The following OR6K6 variants were observed in gnomAD, a reference collection of about 807,000 sequenced individuals.
The protein encoded by OR6K6 is olfactory receptor 6K6.
A neutral mutation model predicts 8.1 loss-of-function variants in OR6K6; 9 were observed. That is an observed-to-expected ratio of 1.11 (90% CI 0.67 to 1.94). OR6K6 has a LOEUF of 1.94. Ranked by LOEUF, OR6K6 falls within the 30% of genes most tolerant of loss-of-function variation. The pLI is 0.00. For missense variants in OR6K6, 400 were observed against 383.1 expected (o/e 1.04, Z -0.37); for synonymous variants, 156 against 140.3 (o/e 1.11, Z -0.79).
chr1:158,755,071 C>G, exon 1 of OR6K6: 1 of 1,614,120 alleles, frequency 6.2e-7, no homozygotes, highest in Non-Finnish European at 8.5e-7. Context: ...CCTGCACACC[C>G]CTTTGTATTT....
exon 1 of OR6K6, chr1:158,755,769 C>G (rs779648282): frequency 1.2e-6 from 2 of 1,613,946 alleles, no homozygotes; most frequent in South Asian, 2.2e-5. Flanking sequence ...TCATCTATAG[C>G]CTGAAAAACA....
exon 1 of OR6K6, chr1:158,755,092 G>A (rs2101999966): frequency 6.2e-7 from 1 of 1,614,100 alleles, no homozygotes; most frequent in Non-Finnish European, 8.5e-7. Context: ...CTTTATCAGT[G>A]TCCTCTCCTT....
In OR6K6 at chr1:158,754,974, C is replaced by CT. The variant is rs1656952777; in HGVS notation, c.89dup (p.Leu30PhefsTer63). 1 of 1,614,044 alleles carries CT rather than the reference C, an allele frequency of 6.2e-7. No individual in the cohort carries two copies. Among genetic ancestry groups the CT allele is most frequent in the African/African-American group, 1.3e-5 (1 of 74,906 alleles). ...TCCCGCATGCGCACAGAGGTGGCCT[C>CT]TTATTCTTTATTCCCTTGCTTCTCA... On this transcript the variant is annotated frameshift_variant, in exon 1 of 1. Coordinates refer to ENST00000641861, the Ensembl canonical transcript of OR6K6. LOFTEE classifies it high-confidence loss of function.
At chr1:158,755,599 C>T in exon 1 of OR6K6, 2 of 1,614,188 alleles carry the variant, frequency 1.2e-6, no homozygotes, top group Non-Finnish European at 8.5e-7. Context: ...TGAAGGTCAT[C>T]ACAAGGCCTT....
chr1:158,755,851 C>G (rs757562437), exon 1 of OR6K6: 40 of 1,586,548 alleles, frequency 2.5e-5, no homozygotes, highest in Non-Finnish European at 1.7e-6. Context: ...GAAATAGATA[C>G]AGATCCTGGA....
exon 1 of OR6K6, chr1:158,755,106 G>A (rs1295610422): frequency 1.2e-6 from 2 of 1,613,984 alleles, no homozygotes; most frequent in Admixed American, 1.7e-5. Flanking sequence ...TCTCCTTCCT[G>A]GAGATCTGCT....
chr1:158,755,096 T>C (rs1320103960), exon 1 of OR6K6: 13 of 1,614,038 alleles, frequency 8.1e-6, no homozygotes, highest in Non-Finnish European at 1.1e-5. Flanking sequence ...ATCAGTGTCC[T>C]CTCCTTCCTG....
exon 1 of OR6K6, chr1:158,755,334 A>C: frequency 1.2e-6 from 2 of 1,614,200 alleles, no homozygotes; most frequent in Non-Finnish European, 1.7e-6. Context: ...TCCAGCTGAC[A>C]GTTGGATCCT....
At chr1:158,755,547 C>G (rs1656970636) in exon 1 of OR6K6, 1 of 1,614,060 alleles carries the variant, frequency 6.2e-7, no homozygotes, top group Non-Finnish European at 8.5e-7. Context: ...TTGCTCTATC[C>G]TACATCCGGA....
chr1:158,755,386 A>C, exon 1 of OR6K6: 2 of 1,613,956 alleles, frequency 1.2e-6, no homozygotes, highest in African/African-American at 2.7e-5. Context: ...GATTGCATGG[A>C]TTTCCACCTT....
chr1:158,754,877 TG>T, exon 1 of OR6K6: 4 of 1,613,948 alleles, frequency 2.5e-6, no homozygotes, highest in Non-Finnish European at 2.5e-6. Flanking sequence ...TTTCCTTTTC[TG>T]TGTTCACAGA....
At chr1:158,755,533 G>T in exon 1 of OR6K6, 1 of 1,614,164 alleles carries the variant, frequency 6.2e-7, no homozygotes, top group South Asian at 1.1e-5. Context: ...CTCCTTCCTG[G>T]TCATTGCTCT....
rs199918253 is a variant in OR6K6, at chr1:158,754,953, G to T, written c.66G>T (p.Pro22=). ...CTGAGTTCCTCTTCTCTATGTTCCC[G>T]CATGCGCACAGAGGTGGCCTCTTAT... is the stretch of plus-strand genomic sequence containing the variant. The change falls in exon 1 of 1, where the codon CCG becomes CCT. Residue 22 remains proline (P), a synonymous_variant. Transcript: ENST00000641861. 31 of 1,614,110 alleles carry T rather than the reference G, an allele frequency of 1.9e-5. No homozygotes were observed. The East Asian group carries it at 6.5e-4, about 34-fold the overall frequency.
At chr1:158,754,969 G>T (rs1656952286) in exon 1 of OR6K6, 1 of 1,613,954 alleles carries the variant, frequency 6.2e-7, no homozygotes, top group South Asian at 1.1e-5. Flanking sequence ...GCACAGAGGT[G>T]GCCTCTTATT....
At chr1:158,754,851 T>G (rs199929431) in exon 1 of OR6K6, 2 of 1,612,722 alleles carry the variant, frequency 1.2e-6, no homozygotes, top group South Asian at 2.2e-5. Context: ...AACATTCCAA[T>G]TATAGGAGTC....
chr1:158,755,816 A>G (rs774831574), exon 1 of OR6K6: 1 of 1,611,534 alleles, frequency 6.2e-7, no homozygotes, highest in South Asian at 1.1e-5. Flanking sequence ...CTTTTCCACT[A>G]TCAGAAGAGG....
At chr1:158,755,219 T>G in exon 1 of OR6K6, 1 of 1,614,136 alleles carries the variant, frequency 6.2e-7, no homozygotes, top group South Asian at 1.1e-5. Context: ...TTCCACTCAC[T>G]TGGTATCACA....
chr1:158,755,822 A>C lies in OR6K6; in HGVS notation c.935A>C (p.Lys312Thr), dbSNP rs767933462. 9.9e-6 allele frequency: 16 copies of C among 1,609,692 alleles called. No individual in the cohort carries two copies. In the Admixed American group the frequency reaches 2.7e-4, roughly 27 times the overall value. The change falls in exon 1 of 1, where the codon AAG (lysine) becomes ACG (threonine). Residue 312 changes from lysine (K) to threonine (T), a missense_variant. Physicochemically the swap from Lys to Thr is moderately conservative, Grantham distance 78. Transcript: ENST00000641861. Reference sequence around the variant, plus strand: ...ATTGGAAGGCTTTTCCACTATCAGAAGAGGGCTGGTTGGGCTGGGAAATAG... The same window carrying C: ...ATTGGAAGGCTTTTCCACTATCAGACGAGGGCTGGTTGGGCTGGGAAATAG...
At chr1:158,754,974 C>T in exon 1 of OR6K6, 1 of 1,614,162 alleles carries the variant, frequency 6.2e-7, no homozygotes, top group Non-Finnish European at 8.5e-7. Flanking sequence ...GAGGTGGCCT[C>T]TTATTCTTTA....
Sources: allele counts gnomAD v4.1 joint callset, GRCh38; gene constraint gnomAD v4.1.1; transcripts MANE v1.5; gene names NCBI Gene and HGNC (gene_info 2026-07-23, HGNC 2026-07-21).